Variants in STK33 observed in about 807,000 individuals in gnomAD.
The protein encoded by STK33 is serine/threonine kinase 33, also known as serine/threonine-protein kinase 33.
STK33 carries 52 observed loss-of-function variants against 58.0 expected under a neutral mutation model. The ratio of observed to expected loss-of-function variants is 0.90; its 90% CI spans 0.72 to 1.13. The LOEUF is 1.13. Among genes scored for constraint, STK33 ranks in the 50% most tolerant of loss-of-function variants. The probability of loss-of-function intolerance (pLI) is 0.00; values close to 1 mark genes in which losing one functional copy is unlikely to be tolerated. For synonymous variants in STK33, 215 were observed against 200.1 expected (o/e 1.07, Z -0.63); for missense variants, 630 against 604.2 (o/e 1.04, Z -0.45).
intron 1 of STK33, among the ~76,000 whole-genome samples, chr11:8,558,350 C>G (rs1162606813): frequency 6.8e-6 from 1 of 148,028 alleles, no homozygotes; most frequent in African/African-American, 2.6e-5. Flanking sequence ...CAAGGACTTA[C>G]GGGGGAAATG....
rs2030872433 is a variant in STK33, at chr11:8,583,685, A to C, written c.-466+10398T>G. On this transcript the variant is annotated intron_variant, in intron 1 of 15. Transcript: ENST00000687296. ...ACCAAAACTTTCTAAATTTACAATA[A>C]GCATAGTTATATAGAGAATAATCAT... Among the ~76,000 whole-genome samples the C allele has an allele frequency of 2.6e-5, 4 of 152,228 alleles. 1 individual carries two copies. In the South Asian group the frequency reaches 8.3e-4, roughly 31 times the overall value.
chr11:8,385,779 CTTT>C, the STK33 span, among the ~76,000 whole-genome samples: 1 of 143,678 alleles, frequency 7.0e-6, no homozygotes. Flanking sequence ...AATCCAGTTC[CTTT>C]TTTTTTTTTT....
rs542695050 is a variant in STK33, at chr11:8,532,258, G to A, written c.-465-51644C>T. Among the ~76,000 whole-genome samples the A allele has an allele frequency of 1.4e-4, 22 of 152,340 alleles. 1 individual carries two copies. The South Asian group carries it at 4.1e-3, about 29-fold the overall frequency. On this transcript the variant is annotated intron_variant, in intron 1 of 15. Transcript: ENST00000687296. Reference sequence around the variant, plus strand: ...TTTGAGTAGCACTGATTTAAACCAGGAGTTAGCAAACTATGGCCCAGTGGC... The same window carrying A: ...TTTGAGTAGCACTGATTTAAACCAGAAGTTAGCAAACTATGGCCCAGTGGC...
chr11:8,478,303 TATGTA>T (rs1949472970), intron 2 of STK33, among the ~76,000 whole-genome samples: 4 of 152,178 alleles, frequency 2.6e-5, no homozygotes, highest in Admixed American at 1.3e-4. Flanking sequence ...GATATAAAAA[TATGTA>T]TTACAAAAAC....
At chr11:8,549,919 T>C (rs1194774359) in intron 1 of STK33, among the ~76,000 whole-genome samples, 2 of 152,178 alleles carry the variant, frequency 1.3e-5, no homozygotes, top group Non-Finnish European at 2.9e-5. Context: ...AAAAACCAAC[T>C]TTTAAATTCA....
intron 14 of STK33, among the ~76,000 whole-genome samples, chr11:8,418,249 C>T (rs535953261): frequency 6.6e-6 from 1 of 152,112 alleles, no homozygotes; most frequent in African/African-American, 2.4e-5. Flanking sequence ...TCCCTCCTCC[C>T]ACCCTCAAGT....
intron 11 of STK33, among the ~76,000 whole-genome samples, chr11:8,443,266 C>A (rs1388504270): frequency 6.6e-6 from 1 of 152,116 alleles, no homozygotes; most frequent in Non-Finnish European, 1.5e-5. Context: ...TTAATAAGCA[C>A]ACACAGAAAT....
At chr11:8,503,529 C>T (rs925069345) in intron 1 of STK33, among the ~76,000 whole-genome samples, 5 of 152,086 alleles carry the variant, frequency 3.3e-5, no homozygotes, top group Non-Finnish European at 7.4e-5. Flanking sequence ...TATGCTCAAA[C>T]CTGAGTGACA....
intron 14 of STK33, among the ~76,000 whole-genome samples, chr11:8,431,145 G>A (rs950537587): frequency 3.3e-5 from 5 of 152,048 alleles, no homozygotes; most frequent in African/African-American, 7.2e-5. Context: ...GATTACAAGC[G>A]TGACCCACCG....
chr11:8,356,136 T>C, the STK33 span, among the ~76,000 whole-genome samples: 2 of 152,164 alleles, frequency 1.3e-5, no homozygotes, highest in African/African-American at 2.4e-5. Context: ...GAGCACAGAT[T>C]CAGATCTAAC....
intron 10 of STK33, 48 bp downstream of exon 10, chr11:8,454,696 C>T (rs1196473121): frequency 2.6e-6 from 4 of 1,521,632 alleles, no homozygotes; most frequent in Admixed American, 2.1e-5. Context: ...TGCCACTTTG[C>T]TATCAAACTG....
chr11:8,336,989 A>G, the STK33 span, among the ~76,000 whole-genome samples: 1 of 152,224 alleles, frequency 6.6e-6, no homozygotes, highest in Non-Finnish European at 1.5e-5. Context: ...GCTCCAGCCC[A>G]AATGCACCAG....
At chr11:8,334,928 C>T in the STK33 span, among the ~76,000 whole-genome samples, 1 of 152,250 alleles carries the variant, frequency 6.6e-6, no homozygotes. Context: ...ACATACCCTG[C>T]TCTTGGTCTG....
intron 15 of STK33, among the ~76,000 whole-genome samples, chr11:8,402,720 G>C (rs980257406): frequency 6.6e-6 from 1 of 152,206 alleles, no homozygotes; most frequent in Admixed American, 6.5e-5. Flanking sequence ...GTGCCCTCCA[G>C]GCCAGGCCAT....
At chr11:8,523,684 C>T (rs1049111387) in intron 1 of STK33, among the ~76,000 whole-genome samples, 1 of 148,026 alleles carries the variant, frequency 6.8e-6, no homozygotes, top group Non-Finnish European at 1.5e-5. Flanking sequence ...GCCAGGCAGC[C>T]GCCACTTCCG....
intron 14 of STK33, among the ~76,000 whole-genome samples, chr11:8,417,560 CG>C (rs1244381567): frequency 1.3e-5 from 2 of 152,048 alleles, no homozygotes; most frequent in South Asian, 2.1e-4. Context: ...GAGTCCAAAT[CG>C]GCGAAGCTAA....
the STK33 span, among the ~76,000 whole-genome samples, chr11:8,345,766 C>A: frequency 6.6e-6 from 1 of 152,128 alleles, no homozygotes; most frequent in African/African-American, 2.4e-5. Context: ...ATCATTCTGA[C>A]CGAAGAGGAC....
At chr11:8,415,061 G>A (rs1940919821) in intron 14 of STK33, among the ~76,000 whole-genome samples, 1 of 151,928 alleles carries the variant, frequency 6.6e-6, no homozygotes, top group African/African-American at 2.4e-5. Context: ...GCTCTGCTTG[G>A]TCCCTATGAT....
intron 1 of STK33, among the ~76,000 whole-genome samples, chr11:8,556,943 C>G (rs568351570): frequency 1.3e-5 from 2 of 152,002 alleles, no homozygotes; most frequent in Admixed American, 1.3e-4. Flanking sequence ...TACTTTCTTT[C>G]AAAGAGAAAA....
Sources: allele counts gnomAD v4.1 joint callset (sites outside exome capture counted in the v4.1 genomes callset), GRCh38; gene constraint gnomAD v4.1.1; transcripts MANE v1.5; gene names NCBI Gene and HGNC (gene_info 2026-07-23, HGNC 2026-07-21).